The following KMT2A variants were observed in gnomAD, a reference collection of about 807,000 sequenced individuals.
KMT2A encodes histone-lysine N-methyltransferase 2A.
KMT2A carries 16 observed loss-of-function variants against 345.3 expected under a neutral mutation model. The ratio of observed to expected loss-of-function variants is 0.05; its 90% CI spans 0.03 to 0.07. KMT2A has a LOEUF of 0.07. KMT2A is among the 10% of genes least tolerant of loss of function. KMT2A has a pLI of 1.00. For synonymous variants in KMT2A, 1,599 were observed against 1,778.6 expected, an observed-to-expected ratio of 0.90 and a Z score of 2.54; for missense variants, 3,272 against 4,841.6, an observed-to-expected ratio of 0.68 and a Z score of 9.62.
intron 1 of KMT2A, among the ~76,000 whole-genome samples, chr11:118,454,052 A>G (rs1949593508): frequency 6.6e-6 from 1 of 152,174 alleles, no homozygotes; most frequent in African/African-American, 2.4e-5. Context: ...TAAGCCCTAA[A>G]TTCAACTACC....
At chr11:118,516,472 T>G (rs1950817920) in intron 31 of KMT2A, among the ~76,000 whole-genome samples, 2 of 152,152 alleles carry the variant, frequency 1.3e-5, no homozygotes, top group African/African-American at 4.8e-5. Flanking sequence ...TAAAAAAAAT[T>G]AAATTAAATT....
rs11430367 is a variant in KMT2A at position 118,477,498 on chromosome 11, C to CTTTTTTTTTTTTTTTTTTT, written c.3335-460_3335-442dup. Among the ~76,000 whole-genome samples the CTTTTTTTTTTTTTTTTTTT allele has an allele frequency of 4.6e-4, 26 of 56,942 alleles. 10 individuals are homozygous for CTTTTTTTTTTTTTTTTTTT. The highest frequency in any genetic ancestry group is 1.5e-3 in the African/African-American group (20 of 12,982). 37.4% of individuals were successfully genotyped at this position (56,942 alleles called of 152,430 possible). ...CTTTCATCAAGATGCAAGTTATTGG[C>CTTTTTTTTTTTTTTTTTTT]TTTTTTTTTTTTTTTTTTTTTTTTT... On this transcript the variant is annotated intron_variant, in intron 4 of 35. Coordinates refer to ENST00000534358, the MANE Select transcript of KMT2A (RefSeq NM_001197104.2).
At chr11:118,440,495 A>G (rs1198731703) in intron 1 of KMT2A, among the ~76,000 whole-genome samples, 1 of 152,222 alleles carries the variant, frequency 6.6e-6, no homozygotes, top group Non-Finnish European at 1.5e-5. Context: ...AGGCTGTTGT[A>G]ATAATAAACC....
chr11:118,482,702 C>G lies in KMT2A; in HGVS notation c.4086+207C>G, dbSNP rs1950155895. On this transcript the variant is annotated intron_variant, in intron 8 of 35. Coordinates refer to ENST00000534358, the MANE Select transcript of KMT2A (RefSeq NM_001197104.2). Reference sequence around the variant, plus strand: ...AGGTGGGAGGATTGCTTGAGGCCAGCAGTTCAAGACCAGCCTGGGCAACAT... The same window carrying G: ...AGGTGGGAGGATTGCTTGAGGCCAGGAGTTCAAGACCAGCCTGGGCAACAT... Among the ~76,000 whole-genome samples the G allele has an allele frequency of 3.4e-5, 5 of 149,104 alleles. No individual in the cohort carries two copies. In the Middle Eastern group the frequency reaches 0.017, roughly 511 times the overall value.
intron 1 of KMT2A, among the ~76,000 whole-genome samples, chr11:118,451,473 C>T (rs1949536354): frequency 6.6e-6 from 1 of 151,908 alleles, no homozygotes; most frequent in African/African-American, 2.4e-5. Context: ...TTGCAACCTC[C>T]ACCTCCTGGG....
Position 118,505,219 on chromosome 11 carries a change from T to A in KMT2A, c.9327T>A (p.Ser3109=). The change falls in exon 27 of 36, where the codon TCT becomes TCA. Residue 3109 remains serine, a synonymous_variant. Transcript: ENST00000534358. This position sits in a 1 kb window ranked among gnomAD's most constrained non-coding sequence, Gnocchi z 4.6. ...TGACCCAAAAAATCCAATTGACCTC[T>A]TCTGTTAGTTCTACACCCAGTGTGA... is the stretch of plus-strand genomic sequence containing the variant. The part of the protein sequence containing the change: ...NGVTQKIQLT[S]SVSSTPSVME... The A allele has an allele frequency of 6.2e-7, 1 of 1,614,058 alleles. No homozygotes were observed. The highest frequency in any genetic ancestry group is 8.5e-7 in the Non-Finnish European group (1 of 1,179,984).
In KMT2A at chr11:118,436,736, C is replaced by T; in HGVS notation, c.224C>T (p.Pro75Leu). 11 of 1,581,278 alleles carry T rather than the reference C, an allele frequency of 7.0e-6. No homozygotes were observed. Among genetic ancestry groups the T allele is most frequent in the Non-Finnish European group, 8.6e-6 (10 of 1,164,646 alleles). Residue 75 changes from proline (P) to leucine (L), a missense_variant, in exon 1 of 36, where the codon CCA becomes CTA. Pro to Leu is a moderately conservative substitution (Grantham distance 98, BLOSUM62 -3). This residue lies in a region of KMT2A where 412 missense variants were observed against 511.0 expected (regional missense o/e 0.81). Coordinates refer to ENST00000534358, the MANE Select transcript of KMT2A (RefSeq NM_001197104.2). This position sits in a 1 kb window ranked among gnomAD's most constrained non-coding sequence, Gnocchi z 6.9. ...GCGGGAAGCAGCGGGGCTGGGGTTC[C>T]AGGGGGAGCGGCCGCCGCCTCAGCA... ...AAAGSSGAGV[P>L]GGAAAASAAS...
intron 31 of KMT2A, among the ~76,000 whole-genome samples, chr11:118,518,960 C>A (rs1950891371): frequency 6.9e-6 from 1 of 144,910 alleles, no homozygotes; most frequent in Non-Finnish European, 1.5e-5. Context: ...CGCCCGTAGT[C>A]CCAGCTACTC....
chr11:118,494,806 GCTAGAAAT>G lies in KMT2A; in HGVS notation c.5363+42_5363+49del, dbSNP rs782364298. ...GCATAACTTTTTTTTCTCCTCATCG[GCTAGAAAT>G]CTGAGAGTTCTCATATTTCTAGATT... On this transcript the variant is annotated intron_variant, in intron 18 of 35. Coordinates refer to ENST00000534358, the MANE Select transcript of KMT2A (RefSeq NM_001197104.2). The surrounding 1 kb of genome is among the most constrained non-coding windows in gnomAD (Gnocchi z 5.8). 6.7e-7 allele frequency: 1 copy of G among 1,488,018 alleles called. No individual in the cohort carries two copies. The highest frequency in any genetic ancestry group is 9.4e-7 in the Non-Finnish European group (1 of 1,068,874). The allele number at this position is 1,488,018 out of a possible 1,614,324, so 92.2% of individuals were successfully genotyped here. A position where few individuals can be genotyped will look rare whatever the true frequency, so the allele number is the denominator to read the frequency against.
intron 1 of KMT2A, chr11:118,448,131 A>G (rs782475506): frequency 6.6e-6 from 1 of 152,472 alleles, no homozygotes; most frequent in African/African-American, 2.4e-5. Context: ...TAGTGGCTTT[A>G]TAGGAGAATA....
At chr11:118,462,174 G>C (rs960469321) in intron 1 of KMT2A, among the ~76,000 whole-genome samples, 19 of 152,072 alleles carry the variant, frequency 1.2e-4, no homozygotes, top group Admixed American at 6.5e-4. Flanking sequence ...GGCTGATCTC[G>C]AACTCCTGGC....
chr11:118,464,012 T>G (rs1949794941), intron 1 of KMT2A, among the ~76,000 whole-genome samples: 1 of 152,228 alleles, frequency 6.6e-6, no homozygotes, highest in South Asian at 2.1e-4. Flanking sequence ...TCATTGATGC[T>G]TTACATAAAG....
Position 118,526,292 on chromosome 11 carries a change from T to C in KMT2A, c.*4120T>C. 4.5e-6 allele frequency: 1 copy of C among 223,418 alleles called. No individual in the cohort carries two copies. The highest frequency in any genetic ancestry group is 6.6e-5 in the East Asian group (1 of 15,254). The allele number at this position is 223,418 out of a possible 1,614,324, so 13.8% of individuals were successfully genotyped here. The stretch of plus-strand genomic sequence containing the variant: ...TTGTTTCTCTATTTTTGGTTATGAA[T>C]GTTGGGGTTACCACCTGCATTTAGG... On this transcript the variant is annotated 3_prime_UTR_variant, in exon 36 of 36. Transcript: ENST00000534358.
chr11:118,492,610 C>T (rs1198006729), intron 15 of KMT2A, among the ~76,000 whole-genome samples: 2 of 152,148 alleles, frequency 1.3e-5, no homozygotes, highest in African/African-American at 4.8e-5. Context: ...ACCTGGGCGG[C>T]GGAGCTTGCA....
At position 118,506,275 on chromosome 11, in the gene KMT2A, C is replaced by G; in HGVS notation, c.10383C>G (p.Leu3461=). Residue 3461 remains leucine (L), a synonymous_variant, in exon 27 of 36, where the codon CTC becomes CTG. Coordinates refer to ENST00000534358, the MANE Select transcript of KMT2A (RefSeq NM_001197104.2). ...ATCAGCTTCAGCATGTGAACCAGCT[C>G]CTTGCCAGCAAAACTGGGATTCATT... ...EHYQLQHVNQ[L]LASKTGIHSS... is the part of the protein sequence containing the mutation. 6.2e-7 allele frequency: 1 copy of G among 1,614,188 alleles called. No homozygotes were observed. The highest frequency in any genetic ancestry group is 8.5e-7 in the Non-Finnish European group (1 of 1,180,032).
In KMT2A at chr11:118,481,656, T is replaced by C. The variant is rs73555267; in HGVS notation, c.3635-59T>C. On this transcript the variant is annotated intron_variant, in intron 6 of 35. Coordinates refer to ENST00000534358, the MANE Select transcript of KMT2A (RefSeq NM_001197104.2). ...GGATCATATGGTGGCTCTGTAATTC[T>C]ATTTTAAATAAAATTATTCTCACTA... 3.0e-4 allele frequency: 464 copies of C among 1,521,620 alleles called. No homozygotes were observed. The African/African-American group carries it at 5.7e-3, about 19-fold the overall frequency. 94.3% of individuals were successfully genotyped at this position (1,521,620 alleles called of 1,614,324 possible). A position where few individuals can be genotyped will look rare whatever the true frequency, so the allele number is the denominator to read the frequency against.
At position 118,525,734 on chromosome 11, in the gene KMT2A, G is replaced by A. The variant is rs1257901743; in HGVS notation, c.*3562G>A. 4.4e-6 allele frequency: 1 copy of A among 228,596 alleles called. No individual in the cohort carries two copies. Among genetic ancestry groups the A allele is most frequent in the Non-Finnish European group, 8.6e-6 (1 of 115,656 alleles). 14.2% of individuals were successfully genotyped at this position (228,596 alleles called of 1,614,324 possible). On this transcript the variant is annotated 3_prime_UTR_variant, in exon 36 of 36. Transcript: ENST00000534358. ...TGAAAATACTAAAGGTCAAAACCTT[G>A]TCAGATGTTAACTTCTAAGTTCGGT... is the stretch of plus-strand genomic sequence containing the variant.
At chr11:118,499,785 T>C (rs1177519993) in intron 23 of KMT2A, 50 bp from the exon 24 acceptor site, 1 of 1,392,414 alleles carries the variant, frequency 7.2e-7, no homozygotes, top group Non-Finnish European at 1.0e-6. Flanking sequence ...CTCAAAAAAA[T>C]AAAATGACGC....
chr11:118,507,593 T>C lies in KMT2A; in HGVS notation c.10819T>C (p.Cys3607Arg). The change falls in exon 28 of 36, where the codon TGT (cysteine) becomes CGT (arginine). Residue 3607 changes from cysteine to arginine, a missense_variant. Cys to Arg is a radical substitution (Grantham distance 180). Coordinates refer to ENST00000534358, the MANE Select transcript of KMT2A (RefSeq NM_001197104.2). ...ASVEQSSQKECGQPAGQVAVL... is the reference protein window; with the variant it reads ...ASVEQSSQKERGQPAGQVAVL... ...CGTGGAGCAGTCCTCCCAGAAGGAG[T>C]GTGGGCAACCTGCAGGGTAAGCTGA... The C allele has an allele frequency of 1.2e-6, 2 of 1,613,666 alleles. No homozygotes were observed. The highest frequency in any genetic ancestry group is 1.7e-6 in the Non-Finnish European group (2 of 1,179,742).
Sources: gnomAD v4.1 joint callset for allele counts (sites outside exome capture counted in the v4.1 genomes callset) on GRCh38, gnomAD v4.1.1 for gene constraint, gnomAD v4.1.1 regional missense constraint, Gnocchi (gnomAD v3.1) non-coding constraint, MANE v1.5 for transcripts, NCBI Gene and HGNC (gene_info 2026-07-23, HGNC 2026-07-21) for gene names.